ANKRD17: variants seen among roughly 807,000 people sequenced by gnomAD.
The protein encoded by ANKRD17 is ankyrin repeat domain-containing protein 17.
A neutral mutation model predicts 229.7 loss-of-function variants in ANKRD17; 19 were observed. That is an observed-to-expected ratio of 0.08 (90% CI 0.06 to 0.12). The LOEUF (loss-of-function observed/expected upper bound fraction) is 0.12. Among genes scored for constraint, ANKRD17 ranks in the 10% least tolerant of loss-of-function variants. ANKRD17 has a pLI of 1.00. For synonymous variants in ANKRD17, 1,112 were observed against 1,146.1 expected (o/e 0.97, Z 0.60); for missense variants, 2,176 against 3,176.8 (o/e 0.68, Z 7.57).
rs1005922199 is a variant in ANKRD17, at chr4:73,090,569, A to G, written c.6961+98T>C. 2.8e-6 allele frequency: 4 copies of G among 1,449,762 alleles called. No homozygotes were observed. In the African/African-American group the frequency reaches 4.3e-5, roughly 16 times the overall value. 89.8% of individuals were successfully genotyped at this position (1,449,762 alleles called of 1,614,324 possible). On this transcript the variant is annotated intron_variant, in intron 29 of 33. Transcript: ENST00000358602. ...TAACTAAATCCAACAATCTTTGTCT[A>G]TATCGTCCAGAGAATAAAAATATTA... is the stretch of plus-strand genomic sequence containing the variant.
chr4:73,179,518 A>ATATATATTTTTT (rs1192164276), intron 1 of ANKRD17, among the ~76,000 whole-genome samples: 4 of 40,784 alleles, frequency 9.8e-5, no homozygotes, highest in Non-Finnish European at 1.8e-4. Context: ...ATATATATAT[A>ATATATATTTTTT]TTTTTTTTTT....
At chr4:73,189,862 A>T (rs908745242) in intron 1 of ANKRD17, among the ~76,000 whole-genome samples, 1 of 152,228 alleles carries the variant, frequency 6.6e-6, no homozygotes, top group Non-Finnish European at 1.5e-5. Context: ...AGTGTGTGAC[A>T]TAGTTCCTGA....
At chr4:73,101,273 A>T (rs2148605163) in intron 25 of ANKRD17, 1 of 934,576 alleles carries the variant, frequency 1.1e-6, no homozygotes, top group Non-Finnish European at 1.3e-6. Context: ...GAAATCGATG[A>T]TCTGGATTGT....
In ANKRD17 at chr4:73,225,449, G is replaced by T. The variant is rs138530603; in HGVS notation, c.393+32827C>A. 2.5e-3 allele frequency among the ~76,000 whole-genome samples: 376 copies of T among 152,200 alleles called. 4 individuals are homozygous for T. The highest frequency in any genetic ancestry group is 8.1e-3 in the African/African-American group (335 of 41,524). Reference sequence around the variant, plus strand: ...GTGCTTCTGTTTTCTGACATTTACTGTTGTTTTTAACAATACATATGTGAT... The same window carrying T: ...GTGCTTCTGTTTTCTGACATTTACTTTTGTTTTTAACAATACATATGTGAT... On this transcript the variant is annotated intron_variant, in intron 1 of 33. Transcript: ENST00000358602.
At chr4:73,143,201 T>C (rs1315775485) in intron 11 of ANKRD17, among the ~76,000 whole-genome samples, 2 of 152,180 alleles carry the variant, frequency 1.3e-5, no homozygotes, top group African/African-American at 4.8e-5. Context: ...ATAGAAAGAA[T>C]AGTACCATTT....
chr4:73,084,983 C>G (rs748555598), intron 30 of ANKRD17, among the ~76,000 whole-genome samples: 3 of 151,874 alleles, frequency 2.0e-5, no homozygotes, highest in Admixed American at 1.3e-4. Flanking sequence ...TTTGACGAAA[C>G]CAGCGAGGGC....
At chr4:73,112,097 AAG>A (rs1725391651) in intron 24 of ANKRD17, among the ~76,000 whole-genome samples, 1 of 152,172 alleles carries the variant, frequency 6.6e-6, no homozygotes, top group East Asian at 1.9e-4. Context: ...GACTAAGAGA[AAG>A]AGTAATAAAA....
rs749226380 is a variant in ANKRD17, at chr4:73,091,169, G to C, written c.6459C>G (p.Ala2153=). 2 of 1,614,164 alleles carry C rather than the reference G, an allele frequency of 1.2e-6. No individual in the cohort carries two copies. Among genetic ancestry groups the C allele is most frequent in the Admixed American group, 3.3e-5 (2 of 60,018 alleles). The change falls in exon 29 of 34, where the codon GCC becomes GCG. Residue 2153 remains alanine, a synonymous_variant. Coordinates refer to ENST00000358602, the MANE Select transcript of ANKRD17 (RefSeq NM_032217.5). ...SSAPVAVPST[A]PVTYPMPQTP... ...TCTGAGGCATAGGGTAAGTCACTGG[G>C]GCAGTAGAAGGCACCGCCACTGGAG...
intron 27 of ANKRD17, among the ~76,000 whole-genome samples, chr4:73,095,602 CAAAA>C (rs74663586): frequency 6.2e-5 from 3 of 48,440 alleles, no homozygotes; most frequent in African/African-American, 6.9e-5. Flanking sequence ...AACTCCATCT[CAAAA>C]AAAAAAAAAA....
chr4:73,087,954 A>AG (rs921908443), intron 29 of ANKRD17, among the ~76,000 whole-genome samples: 1 of 151,736 alleles, frequency 6.6e-6, no homozygotes, highest in East Asian at 1.9e-4. Context: ...AGCAAAAGAG[A>AG]GGAAAAAAAA....
intron 1 of ANKRD17, among the ~76,000 whole-genome samples, chr4:73,212,844 C>T (rs995233817): frequency 5.3e-5 from 8 of 150,688 alleles, no homozygotes; most frequent in East Asian, 1.9e-4. Flanking sequence ...TGTGAAACCC[C>T]GTCTCTACTA....
intron 26 of ANKRD17, 142 bp downstream of exon 26, chr4:73,097,931 A>G: frequency 1.6e-6 from 1 of 635,702 alleles, no homozygotes; most frequent in East Asian, 2.9e-5. Flanking sequence ...TTATTCTTCA[A>G]TTCAATTGAA....
rs773052963 is a variant in ANKRD17 at position 73,142,672 on chromosome 4, C to T, written c.2053G>A (p.Ala685Thr). Residue 685 changes from alanine (A) to threonine (T), a missense_variant, in exon 12 of 34, where the codon GCT becomes ACT. Physicochemically the swap from Ala to Thr is moderately conservative, Grantham distance 58 (BLOSUM62 0). This residue lies in a region of ANKRD17 where 275 missense variants were observed against 386.9 expected (regional missense o/e 0.71). Coordinates refer to ENST00000358602, the MANE Select transcript of ANKRD17 (RefSeq NM_032217.5). ...CGGTGAGTAGGATCTGCCCCATGAGCCAAAAGTAGTTCCACCACTGCCAGA... is the reference window on the plus strand; with the variant it reads ...CGGTGAGTAGGATCTGCCCCATGAGTCAAAAGTAGTTCCACCACTGCCAGA... Reference protein sequence around the residue: ...GHLAVVELLLAHGADPTHRLK... With the variant: ...GHLAVVELLLTHGADPTHRLK... The T allele has an allele frequency of 3.7e-6, 6 of 1,613,974 alleles. No individual in the cohort carries two copies. In the South Asian group the frequency reaches 6.6e-5, roughly 18 times the overall value.
intron 1 of ANKRD17, among the ~76,000 whole-genome samples, chr4:73,237,751 A>G (rs1743638983): frequency 6.6e-6 from 1 of 152,188 alleles, no homozygotes; most frequent in Admixed American, 6.5e-5. Flanking sequence ...CCAGAAAAGG[A>G]CTTAAGAGTC....
intron 18 of ANKRD17, among the ~76,000 whole-genome samples, chr4:73,122,934 C>CA (rs895139485): frequency 1.3e-5 from 2 of 152,018 alleles, no homozygotes; most frequent in African/African-American, 4.8e-5. Flanking sequence ...CAATATACAA[C>CA]AAAAATGTAT....
In ANKRD17 at chr4:73,085,952, C is replaced by CTA. The variant is rs1378339434; in HGVS notation, c.6962-507_6962-506insTA. Among the ~76,000 whole-genome samples the CTA allele has an allele frequency of 4.6e-5, 7 of 152,222 alleles. No homozygotes were observed. In the South Asian group the frequency reaches 1.2e-3, roughly 27 times the overall value. ...GCTGCAATGAGCTGTGATGGCACCACTGCATGCCAGCCTGAGTGACAGAGT... is the reference window on the plus strand; with the variant it reads ...GCTGCAATGAGCTGTGATGGCACCACTATGCATGCCAGCCTGAGTGACAGAGT... On this transcript the variant is annotated intron_variant, in intron 29 of 33. Coordinates refer to ENST00000358602, the MANE Select transcript of ANKRD17 (RefSeq NM_032217.5).
chr4:73,116,169 C>A (rs1725923545), intron 22 of ANKRD17, among the ~76,000 whole-genome samples: 2 of 146,324 alleles, frequency 1.4e-5, no homozygotes, highest in African/African-American at 2.5e-5. Context: ...ATAAAAAAAA[C>A]AATAATCCCA....
chr4:73,113,739 G>T, intron 24 of ANKRD17, 53 bp downstream of exon 24: 2 of 1,299,012 alleles, frequency 1.5e-6, no homozygotes, highest in South Asian at 2.4e-5. Context: ...CAAAAGAAGA[G>T]AAAACAAGAT....
At position 73,258,680 on chromosome 4, in the gene ANKRD17, G is replaced by A. The variant is rs1012432879; in HGVS notation, c.-12C>T. On this transcript the variant is annotated 5_prime_UTR_variant, in exon 1 of 34. Coordinates refer to ENST00000358602, the MANE Select transcript of ANKRD17 (RefSeq NM_032217.5). ...GTCGCCTTCTCCATCCCCAGGGAAA[G>A]AGGGAGGGCGCGGACGGGGGAGGGG... is the stretch of plus-strand genomic sequence containing the variant. 2 of 1,457,236 alleles carry A rather than the reference G, an allele frequency of 1.4e-6. No homozygotes were observed. Among genetic ancestry groups the A allele is most frequent in the African/African-American group, 1.5e-5 (1 of 67,170 alleles). The allele number at this position is 1,457,236 out of a possible 1,614,324, so 90.3% of individuals were successfully genotyped here.
Sources: gnomAD v4.1 joint callset for allele counts (sites outside exome capture counted in the v4.1 genomes callset) on GRCh38, gnomAD v4.1.1 for gene constraint, gnomAD v4.1.1 regional missense constraint, MANE v1.5 for transcripts, NCBI Gene and HGNC (gene_info 2026-07-23, HGNC 2026-07-21) for gene names.